The following PANK3 variants were observed in gnomAD, a reference collection of about 807,000 sequenced individuals.
PANK3 encodes the protein pantothenate kinase 3.
PANK3 carries 20 observed loss-of-function variants against 39.4 expected under a neutral mutation model. The ratio of observed to expected loss-of-function variants is 0.51; its 90% CI spans 0.36 to 0.74. The LOEUF is 0.74. PANK3 is among the 30% of genes least tolerant of loss of function. The probability of loss-of-function intolerance (pLI) is 0.00; values close to 1 mark genes in which losing one functional copy is unlikely to be tolerated. For synonymous variants in PANK3, 140 were observed against 157.3 expected (o/e 0.89, Z 0.82); for missense variants, 265 against 437.0 (o/e 0.61, Z 3.51).
Position 168,552,343 on chromosome 5 carries a change from T to C in PANK3, c.*5228A>G, listed in dbSNP as rs1759284382. 1 of 152,218 alleles carries C rather than the reference T, an allele frequency of 6.6e-6. No individual in the cohort carries two copies. Among genetic ancestry groups the C allele is most frequent in the Non-Finnish European group, 1.5e-5 (1 of 68,052 alleles). The allele number at this position is 152,218 out of a possible 1,614,324, so 9.4% of individuals were successfully genotyped here. A position where few individuals can be genotyped will look rare whatever the true frequency, so the allele number is the denominator to read the frequency against. On this transcript the variant is annotated 3_prime_UTR_variant, in exon 7 of 7. Coordinates refer to ENST00000239231, the MANE Select transcript of PANK3 (RefSeq NM_024594.4). ...TGGGTTGTTGGGAACTATGCCCAGT[T>C]GACTCATACTCTCTCAAATGTGGTC...
chr5:168,573,732 T>C (rs1330633551), intron 1 of PANK3, among the ~76,000 whole-genome samples: 1 of 140,690 alleles, frequency 7.1e-6, no homozygotes, highest in Non-Finnish European at 1.5e-5. Context: ...GTGTTCTCAT[T>C]GTTCAATTCC....
intron 5 of PANK3, among the ~76,000 whole-genome samples, chr5:168,559,486 C>A (rs1759409549): frequency 6.6e-6 from 1 of 151,978 alleles, no homozygotes; most frequent in South Asian, 2.1e-4. Flanking sequence ...TGGAAGTGGG[C>A]TGTGTGTGTA....
intron 1 of PANK3, among the ~76,000 whole-genome samples, chr5:168,574,365 GTTTGT>G (rs1759698339): frequency 6.6e-6 from 1 of 151,938 alleles, no homozygotes; most frequent in Admixed American, 6.6e-5. Flanking sequence ...TGATGGGGTT[GTTTGT>G]TTTTTTAGTA....
At chr5:168,560,954 T>C (rs771317046) in intron 5 of PANK3, 1 of 515,436 alleles carries the variant, frequency 1.9e-6, no homozygotes, top group East Asian at 5.6e-5. Context: ...GGCAGCACTG[T>C]AAAGAAGCCG....
chr5:168,559,989 G>C (rs1759417395), intron 5 of PANK3, among the ~76,000 whole-genome samples: 1 of 152,046 alleles, frequency 6.6e-6, no homozygotes, highest in South Asian at 2.1e-4. Context: ...AGGGGAACTG[G>C]TGTTTGAATC....
intron 6 of PANK3, 130 bp from the exon 7 acceptor site, chr5:168,557,751 G>A (rs534299278): frequency 3.4e-5 from 23 of 676,120 alleles, no homozygotes; most frequent in African/African-American, 1.7e-4. Flanking sequence ...CAATTTCTGC[G>A]TTGTTAGCTA....
intron 1 of PANK3, among the ~76,000 whole-genome samples, chr5:168,578,089 T>C (rs1031880884): frequency 6.6e-6 from 1 of 152,214 alleles, no homozygotes; most frequent in Admixed American, 6.5e-5. Flanking sequence ...CAATGCTCTA[T>C]GGGTGCAAGA....
chr5:168,560,875 A>T (rs1410509675), intron 5 of PANK3: 1 of 444,696 alleles, frequency 2.2e-6, no homozygotes, highest in African/African-American at 2.0e-5. Context: ...ACACCACTCA[A>T]ATATCATGAA....
rs1324484880 is a variant in PANK3, at chr5:168,554,640, TA to T, written c.*2930del. On this transcript the variant is annotated 3_prime_UTR_variant, in exon 7 of 7. Coordinates refer to ENST00000239231, the MANE Select transcript of PANK3 (RefSeq NM_024594.4). ...AATTCATGTCAGTCAGTAGCCATTTTAAAACCCTACAATGACTTCATGTTCC... is the reference window on the plus strand; with the variant it reads ...AATTCATGTCAGTCAGTAGCCATTTTAAACCCTACAATGACTTCATGTTCC... The T allele has an allele frequency of 6.6e-6, 1 of 152,254 alleles. No individual in the cohort carries two copies. Among genetic ancestry groups the T allele is most frequent in the Non-Finnish European group, 1.5e-5 (1 of 68,040 alleles). 9.4% of individuals were successfully genotyped at this position (152,254 alleles called of 1,614,324 possible). A position where few individuals can be genotyped will look rare whatever the true frequency, so the allele number is the denominator to read the frequency against.
chr5:168,553,110 A>G lies in PANK3; in HGVS notation c.*4461T>C. 1 of 434,098 alleles carries G rather than the reference A, an allele frequency of 2.3e-6. No homozygotes were observed. The highest frequency in any genetic ancestry group is 5.7e-5 in the East Asian group (1 of 17,574). 26.9% of individuals were successfully genotyped at this position (434,098 alleles called of 1,614,324 possible). A position where few individuals can be genotyped will look rare whatever the true frequency, so the allele number is the denominator to read the frequency against. On this transcript the variant is annotated 3_prime_UTR_variant, in exon 7 of 7. Transcript: ENST00000239231. ...GCAAAAACTTACGACTTCCAGGGCA[A>G]AATGGAAGGGCTACACTTTATAGGA...
At position 168,554,351 on chromosome 5, in the gene PANK3, T is replaced by G. The variant is rs1213837984; in HGVS notation, c.*3220A>C. 6.6e-6 allele frequency: 1 copy of G among 152,218 alleles called. No individual in the cohort carries two copies. 9.4% of individuals were successfully genotyped at this position (152,218 alleles called of 1,614,324 possible). A position where few individuals can be genotyped will look rare whatever the true frequency, so the allele number is the denominator to read the frequency against. ...AGGTAAGTATCACTATGGGTTTTTT[T>G]GTTTACAGACCGCAGGTTTACTTAA... On this transcript the variant is annotated 3_prime_UTR_variant, in exon 7 of 7. Coordinates refer to ENST00000239231, the MANE Select transcript of PANK3 (RefSeq NM_024594.4).
chr5:168,564,180 T>A, intron 3 of PANK3, 115 bp from the exon 4 acceptor site: 2 of 859,574 alleles, frequency 2.3e-6, no homozygotes, highest in Non-Finnish European at 3.3e-6. Context: ...AACCTATGAC[T>A]AATGCTGAGT....
chr5:168,558,881 A>T (rs1759397083), intron 6 of PANK3, 151 bp downstream of exon 6: 1 of 584,350 alleles, frequency 1.7e-6, no homozygotes, highest in African/African-American at 1.9e-5. Context: ...GCTACTTGGG[A>T]GGCTGAGGTG....
chr5:168,564,176 T>C (rs1424628316), intron 3 of PANK3, 111 bp from the exon 4 acceptor site: 5 of 917,228 alleles, frequency 5.5e-6, no homozygotes, highest in Non-Finnish European at 7.7e-6. Context: ...AAAAAACCTA[T>C]GACTAATGCT....
intron 4 of PANK3, among the ~76,000 whole-genome samples, chr5:168,563,129 T>C (rs1199608023): frequency 6.6e-6 from 1 of 152,034 alleles, no homozygotes; most frequent in Non-Finnish European, 1.5e-5. Context: ...CATTAACATA[T>C]CAGAAGAAAA....
intron 2 of PANK3, 49 bp from the exon 3 acceptor site, chr5:168,566,315 C>G: frequency 2.6e-6 from 4 of 1,533,166 alleles, no homozygotes; most frequent in Middle Eastern, 1.7e-4. Flanking sequence ...TTCAAAAACA[C>G]TCAACTATAT....
intron 4 of PANK3, among the ~76,000 whole-genome samples, chr5:168,562,100 A>G (rs1759457217): frequency 6.6e-6 from 1 of 152,208 alleles, no homozygotes; most frequent in Non-Finnish European, 1.5e-5. Context: ...AACATGTGGC[A>G]CTCATAAGCC....
Position 168,568,854 on chromosome 5 carries a change from T to C in PANK3, c.173A>G (p.Tyr58Cys), listed in dbSNP as rs760823330. 1.2e-6 allele frequency: 2 copies of C among 1,613,898 alleles called. No individual in the cohort carries two copies. Among genetic ancestry groups the C allele is most frequent in the South Asian group, 2.2e-5 (2 of 91,066 alleles). The change falls in exon 2 of 7, where the codon TAT becomes TGT. Residue 58 changes from tyrosine to cysteine, a missense_variant. By Grantham distance (194) the Tyr-to-Cys change is radical (BLOSUM62 -2). Around this residue, in one of 3 missense-constraint regions of PANK3, gnomAD observed 154 missense variants for 256.8 expected, o/e 0.60. Transcript: ENST00000239231. ...TACATCCCGAATGCCGGTGGATCCA[T>C]ATGCCACGTTAGAAGTCAAATATTT... ...IRKYLTSNVAYGSTGIRDVHL... is the reference protein window; with the variant it reads ...IRKYLTSNVACGSTGIRDVHL...
Position 168,553,072 on chromosome 5 carries a change from T to C in PANK3, c.*4499A>G. 1 of 412,042 alleles carries C rather than the reference T, an allele frequency of 2.4e-6. No homozygotes were observed. Among genetic ancestry groups the C allele is most frequent in the Non-Finnish European group, 4.8e-6 (1 of 210,464 alleles). 25.5% of individuals were successfully genotyped at this position (412,042 alleles called of 1,614,324 possible). A position where few individuals can be genotyped will look rare whatever the true frequency, so the allele number is the denominator to read the frequency against. On this transcript the variant is annotated 3_prime_UTR_variant, in exon 7 of 7. Transcript: ENST00000239231. ...TGAAGGATCTCATTAGTACTCTTCC[T>C]TTCTGTTAATGAGCAAAAACTTACG...
Sources: allele counts gnomAD v4.1 joint callset (sites outside exome capture counted in the v4.1 genomes callset), GRCh38; gene constraint gnomAD v4.1.1; regional missense constraint gnomAD v4.1.1; transcripts MANE v1.5; gene names NCBI Gene and HGNC (gene_info 2026-07-23, HGNC 2026-07-21).